BMP7: variants seen among roughly 807,000 people sequenced by gnomAD.
BMP7 encodes osteogenic protein 1.
A neutral mutation model predicts 41.2 loss-of-function variants in BMP7; 12 were observed. The observed-to-expected ratio is 0.29, with a 90% CI of 0.19 to 0.47. The LOEUF is 0.47. BMP7 is among the 20% of genes least tolerant of loss of function. The pLI is 0.99. For missense variants in BMP7, 467 were observed against 606.0 expected (o/e 0.77, Z 2.41); for synonymous variants, 248 against 250.0 (o/e 0.99, Z 0.07).
rs2123117209 is a variant in BMP7, at chr20:57,228,115, C to T, written c.611+114G>A. ...CTTCTTTAGAAGGGATAATCTGGTA[C>T]AGGGCCTGGCACGTGGTTGTGCCAA... On this transcript the variant is annotated intron_variant, in intron 2 of 6. Transcript: ENST00000395863. This position sits in a 1 kb window ranked among gnomAD's most constrained non-coding sequence, Gnocchi z 4.5. The T allele has an allele frequency of 1.7e-6, 2 of 1,174,930 alleles. No individual in the cohort carries two copies. The highest frequency in any genetic ancestry group is 2.3e-5 in the East Asian group (1 of 42,866). The allele number at this position is 1,174,930 out of a possible 1,614,324, so 72.8% of individuals were successfully genotyped here.
At chr20:57,195,247 C>T (rs747585869) in intron 3 of BMP7, among the ~76,000 whole-genome samples, 14 of 152,300 alleles carry the variant, frequency 9.2e-5, no homozygotes, top group Middle Eastern at 3.4e-3. Context: ...GGTGGCATCT[C>T]GGTTTCCTTG....
At chr20:57,188,778 TCATGGCC>T (rs1315088276) in intron 3 of BMP7, among the ~76,000 whole-genome samples, 1 of 152,146 alleles carries the variant, frequency 6.6e-6, no homozygotes, top group Non-Finnish European at 1.5e-5. Flanking sequence ...GACTGGGAGC[TCATGGCC>T]CACCCCATCC....
At chr20:57,199,371 T>C (rs888831779) in intron 3 of BMP7, among the ~76,000 whole-genome samples, 1 of 152,182 alleles carries the variant, frequency 6.6e-6, no homozygotes, top group Non-Finnish European at 1.5e-5. Flanking sequence ...CCAAGTCTTC[T>C]TTTAGAAGGT....
chr20:57,222,108 G>C (rs767414141), intron 2 of BMP7, among the ~76,000 whole-genome samples: 2 of 152,150 alleles, frequency 1.3e-5, no homozygotes, highest in Non-Finnish European at 2.9e-5. Context: ...CACCCGCTCG[G>C]CTTCACTGAA....
chr20:57,236,217 T>C (rs752905922), intron 1 of BMP7, among the ~76,000 whole-genome samples: 4 of 151,998 alleles, frequency 2.6e-5, no homozygotes, highest in Non-Finnish European at 5.9e-5. Flanking sequence ...AACAAGACAA[T>C]TGATTAAAAG....
chr20:57,214,781 T>A lies in BMP7; in HGVS notation c.612-12158A>T, dbSNP rs1200737690. The A allele has an allele frequency of 6.6e-6, 1 of 152,318 alleles. No individual in the cohort carries two copies. The highest frequency in any genetic ancestry group is 1.5e-5 in the Non-Finnish European group (1 of 68,112). The allele number at this position is 152,318 out of a possible 1,614,324, so 9.4% of individuals were successfully genotyped here. ...GTTTCAGTTTGTTTGTATAGTTTTT[T>A]GGGTTCTCCTCTTTTCCTGCCAGGT... On this transcript the variant is annotated intron_variant, in intron 2 of 6. Transcript: ENST00000395863. The surrounding 1 kb of genome is among the most constrained non-coding windows in gnomAD (Gnocchi z 4.0).
chr20:57,238,568 C>T (rs117165878), intron 1 of BMP7, among the ~76,000 whole-genome samples: 1,705 of 152,236 alleles, frequency 0.011, 19 homozygotes, highest in African/African-American at 0.026. Flanking sequence ...ACCTTCCCGC[C>T]GGCAGTCGGG....
At chr20:57,216,804 G>A (rs1462363786) in intron 2 of BMP7, among the ~76,000 whole-genome samples, 1 of 152,138 alleles carries the variant, frequency 6.6e-6, no homozygotes, top group Non-Finnish European at 1.5e-5. Context: ...TGTCCAAGGT[G>A]GCAGTTGGTG....
At chr20:57,218,914 CTAGTGTTTGTTCAG>C (rs1985110737) in intron 2 of BMP7, among the ~76,000 whole-genome samples, 3 of 128,308 alleles carry the variant, frequency 2.3e-5, no homozygotes, top group Admixed American at 7.9e-5. Context: ...TTGGTGGTAG[CTAGTGTTTGTTCAG>C]TGGTAGCTGG....
At chr20:57,182,515 C>T (rs1282229653) in intron 4 of BMP7, among the ~76,000 whole-genome samples, 4 of 152,254 alleles carry the variant, frequency 2.6e-5, no homozygotes, top group Non-Finnish European at 5.9e-5. Context: ...TTGCTGGGGA[C>T]ACCGAAGCTC....
At position 57,170,939 on chromosome 20, in the gene BMP7, G is replaced by T; in HGVS notation, c.*20C>A. 2 of 1,612,116 alleles carry T rather than the reference G, an allele frequency of 1.2e-6. No individual in the cohort carries two copies. The highest frequency in any genetic ancestry group is 1.3e-5 in the African/African-American group (1 of 75,004). On this transcript the variant is annotated 3_prime_UTR_variant, in exon 7 of 7. Coordinates refer to ENST00000395863, the MANE Select transcript of BMP7 (RefSeq NM_001719.3). ...GATCCAGAAAAACTTGGCCCCAAAG[G>T]GTCTGAATTCTCGGAGGAGCTAGTG...
At chr20:57,192,144 T>C (rs6064513) in intron 3 of BMP7, among the ~76,000 whole-genome samples, 65,883 of 120,670 alleles carry the variant, frequency 0.55, 18,484 homozygotes, top group African/African-American at 0.61. Flanking sequence ...ATATTATATA[T>C]AATATATAGT....
At chr20:57,236,487 T>C (rs1216135046) in intron 1 of BMP7, among the ~76,000 whole-genome samples, 2 of 152,096 alleles carry the variant, frequency 1.3e-5, no homozygotes, top group East Asian at 3.9e-4. Context: ...GGTTTATGGA[T>C]AAAGTTATGC....
At chr20:57,212,924 C>G (rs1984928548) in intron 2 of BMP7, among the ~76,000 whole-genome samples, 1 of 152,252 alleles carries the variant, frequency 6.6e-6, no homozygotes, top group South Asian at 2.1e-4. Flanking sequence ...GCTTTCCTGC[C>G]AAATCATAGA....
At chr20:57,186,566 C>T (rs564616529) in intron 3 of BMP7, among the ~76,000 whole-genome samples, 89 of 152,304 alleles carry the variant, frequency 5.8e-4, no homozygotes, top group Admixed American at 7.8e-4. Flanking sequence ...CAGGGATACC[C>T]GGCTTGGAAG....
intron 1 of BMP7, among the ~76,000 whole-genome samples, chr20:57,248,066 A>G (rs1322558155): frequency 3.3e-5 from 5 of 152,202 alleles, no homozygotes; most frequent in African/African-American, 4.8e-5. Context: ...TATGAGCTAC[A>G]GAGGGTCTGG....
rs558178788 is a variant in BMP7 at position 57,215,977 on chromosome 20, C to G, written c.611+12252G>C. The G allele has an allele frequency of 2.0e-5, 3 of 151,668 alleles. No individual in the cohort carries two copies. Among genetic ancestry groups the G allele is most frequent in the African/African-American group, 7.3e-5 (3 of 41,296 alleles). 9.4% of individuals were successfully genotyped at this position (151,668 alleles called of 1,614,324 possible). On this transcript the variant is annotated intron_variant, in intron 2 of 6. Transcript: ENST00000395863. This position sits in a 1 kb window ranked among gnomAD's most constrained non-coding sequence, Gnocchi z 4.2. ...ACAGAAAAAGTGCAGCAAAGCAGGG[C>G]GACAAGGGGAAAGAAACTTGACAGT...
chr20:57,174,728 T>C lies in BMP7; in HGVS notation c.1035+203A>G, dbSNP rs528390755. On this transcript the variant is annotated intron_variant, in intron 5 of 6. Transcript: ENST00000395863. The surrounding 1 kb of genome is among the most constrained non-coding windows in gnomAD (Gnocchi z 4.3). ...AAAGTGTTTGGGTTCCTGGTTCAAGTTCAAGTCTCAACCACATTTCTGCTC... is the reference window on the plus strand; with the variant it reads ...AAAGTGTTTGGGTTCCTGGTTCAAGCTCAAGTCTCAACCACATTTCTGCTC... Among the ~76,000 whole-genome samples the C allele has an allele frequency of 6.6e-6, 1 of 152,212 alleles. No homozygotes were observed. Among genetic ancestry groups the C allele is most frequent in the Admixed American group, 6.5e-5 (1 of 15,294 alleles).
rs538696123 is a variant in BMP7, at chr20:57,203,826, A to T, written c.612-1203T>A. ...AACAGTCTCTATCATACCTGGAGTT[A>T]TCTAATCTTCCTGGTGATTATAGTG... On this transcript the variant is annotated intron_variant, in intron 2 of 6. Transcript: ENST00000395863. Among the ~76,000 whole-genome samples, 8 of 152,336 alleles carry T rather than the reference A, an allele frequency of 5.3e-5. No individual in the cohort carries two copies. In the South Asian group the frequency reaches 1.7e-3, roughly 32 times the overall value.
Sources: gnomAD v4.1 joint callset for allele counts (sites outside exome capture counted in the v4.1 genomes callset) on GRCh38, gnomAD v4.1.1 for gene constraint, Gnocchi (gnomAD v3.1) non-coding constraint, MANE v1.5 for transcripts, NCBI Gene and HGNC (gene_info 2026-07-23, HGNC 2026-07-21) for gene names.